Variants in ZNF143 observed in about 807,000 individuals in gnomAD.
ZNF143 encodes SPH-binding factor.
A neutral mutation model predicts 74.1 loss-of-function variants in ZNF143; 49 were observed. That is an observed-to-expected ratio of 0.66 (90% CI 0.53 to 0.84). The LOEUF is 0.84. Ranked by LOEUF, ZNF143 falls within the 40% of genes least tolerant of loss-of-function variation. ZNF143 has a pLI of 0.00. For synonymous variants in ZNF143, 304 were observed against 282.8 expected (o/e 1.07, Z -0.75); for missense variants, 637 against 793.4 (o/e 0.80, Z 2.37).
chr11:9,520,568 G>A (rs1311726139), intron 14 of ZNF143, among the ~76,000 whole-genome samples: 2 of 151,948 alleles, frequency 1.3e-5, no homozygotes, highest in African/African-American at 4.8e-5. Flanking sequence ...TGAGGCAGGT[G>A]GATCACAAGG....
intron 7 of ZNF143, among the ~76,000 whole-genome samples, chr11:9,486,362 AT>A (rs1455414237): frequency 2.5e-4 from 11 of 43,466 alleles, no homozygotes; most frequent in Non-Finnish European, 5.2e-4. Flanking sequence ...TTATATATAT[AT>A]TATATATAAT....
In ZNF143 at chr11:9,493,071, CTTTTTTT is replaced by C. The variant is rs148050807; in HGVS notation, c.646-1564_646-1558del. Among the ~76,000 whole-genome samples the C allele has an allele frequency of 3.3e-3, 450 of 137,342 alleles. 2 individuals carry two copies. The highest frequency in any genetic ancestry group is 0.011 in the African/African-American group (430 of 37,474). The allele number at this position is 137,342 out of a possible 152,430, so 90.1% of individuals were successfully genotyped here. ...TTTTGCCCATTGGGAATTATGCCTA[CTTTTTTT>C]TTTTTTTTTTGAGACGGATTCTCAC... is the stretch of plus-strand genomic sequence containing the variant. On this transcript the variant is annotated intron_variant, in intron 7 of 15. Transcript: ENST00000396602.
chr11:9,509,263 G>C (rs970914852), intron 12 of ZNF143, among the ~76,000 whole-genome samples: 2 of 152,210 alleles, frequency 1.3e-5, no homozygotes, highest in Non-Finnish European at 2.9e-5. Context: ...TGCCTGGGAA[G>C]GTGATATGAA....
At chr11:9,521,648 T>C (rs949486059) in intron 14 of ZNF143, among the ~76,000 whole-genome samples, 35 of 152,256 alleles carry the variant, frequency 2.3e-4, no homozygotes, top group Admixed American at 9.2e-4. Context: ...ATTCAAGTTA[T>C]CTATGTTTTT....
chr11:9,461,211 T>C, intron 1 of ZNF143, 135 bp downstream of exon 1: 1 of 448,102 alleles, frequency 2.2e-6, no homozygotes, highest in Non-Finnish European at 3.0e-6. Context: ...GCCTTGCCGA[T>C]TTTATGGGCC....
In ZNF143 at chr11:9,471,341, G is replaced by A; in HGVS notation, c.33G>A (p.Gln11=). 17 of 1,612,328 alleles carry A rather than the reference G, an allele frequency of 1.1e-5. No homozygotes were observed. The highest frequency in any genetic ancestry group is 1.4e-5 in the Non-Finnish European group (17 of 1,179,418). Reference sequence around the variant, plus strand: ...TAGCCCAAATAAATCGAGATTCTCAGGGAATGACAGAGTTTCCTGGAGGAG... The same window carrying A: ...TAGCCCAAATAAATCGAGATTCTCAAGGAATGACAGAGTTTCCTGGAGGAG... MLLAQINRDS[Q]GMTEFPGGGM... The change falls in exon 2 of 16, where the codon CAG becomes CAA. Residue 11 remains glutamine, a synonymous_variant. Coordinates refer to ENST00000396602, the MANE Select transcript of ZNF143 (RefSeq NM_003442.6).
At chr11:9,518,979 C>A (rs958743088) in intron 14 of ZNF143, among the ~76,000 whole-genome samples, 1 of 152,100 alleles carries the variant, frequency 6.6e-6, no homozygotes, top group East Asian at 1.9e-4. Context: ...GCCTGTTTTT[C>A]ATATTTGCCT....
chr11:9,482,696 C>T (rs1156331070), intron 7 of ZNF143, among the ~76,000 whole-genome samples: 11 of 142,982 alleles, frequency 7.7e-5, no homozygotes, highest in Admixed American at 6.3e-4. Context: ...TCTCCTTTGC[C>T]TTTTGTACCT....
intron 2 of ZNF143, 31 bp downstream of exon 2, chr11:9,471,451 G>T: frequency 6.8e-7 from 1 of 1,467,518 alleles, no homozygotes; most frequent in South Asian, 1.3e-5. Context: ...GGATGCGTTT[G>T]AAAATATCAT....
rs111642415 is a variant in ZNF143, at chr11:9,504,974, C to CT, written c.1148-3628dup. 7.9e-3 allele frequency among the ~76,000 whole-genome samples: 579 copies of CT among 73,472 alleles called. 36 individuals carry two copies. The highest frequency in any genetic ancestry group is 0.018 in the African/African-American group (466 of 25,396). The allele number at this position is 73,472 out of a possible 152,430, so 48.2% of individuals were successfully genotyped here. On this transcript the variant is annotated intron_variant, in intron 11 of 15. Transcript: ENST00000396602. ...AGGTGTGAGCCACCACGCCCAGCCTCTTTTTTTTTTTTTTTTTAAGATGGA... is the reference window on the plus strand; with the variant it reads ...AGGTGTGAGCCACCACGCCCAGCCTCTTTTTTTTTTTTTTTTTTAAGATGGA...
rs192306085 is a variant in ZNF143, at chr11:9,467,033, A to G, written c.-7-4269A>G. 4.4e-3 allele frequency among the ~76,000 whole-genome samples: 674 copies of G among 151,646 alleles called. 6 individuals carry two copies. Among genetic ancestry groups the G allele is most frequent in the Admixed American group, 7.8e-3 (118 of 15,174 alleles). On this transcript the variant is annotated intron_variant, in intron 1 of 15. Coordinates refer to ENST00000396602, the MANE Select transcript of ZNF143 (RefSeq NM_003442.6). ...CTCAGCCTCCGGAGTAGCTGGGACT[A>G]CAGGTGCATGCCACCGCCTGGTTAA... is the stretch of plus-strand genomic sequence containing the variant.
At position 9,527,919 on chromosome 11, in the gene ZNF143, T is replaced by C. The variant is rs1009852622; in HGVS notation, c.*306T>C. On this transcript the variant is annotated 3_prime_UTR_variant, in exon 16 of 16. Coordinates refer to ENST00000396602, the MANE Select transcript of ZNF143 (RefSeq NM_003442.6). ...TACATGCAAGACTAGTAAAGTCTTA[T>C]GGAGTCTTATGATGGATTTTTAACT... 2.0e-5 allele frequency: 4 copies of C among 199,192 alleles called. No homozygotes were observed. The highest frequency in any genetic ancestry group is 3.1e-4 in the South Asian group (2 of 6,444). 12.3% of individuals were successfully genotyped at this position (199,192 alleles called of 1,614,324 possible).
chr11:9,481,815 G>A (rs1252291584), intron 7 of ZNF143, among the ~76,000 whole-genome samples: 4 of 149,766 alleles, frequency 2.7e-5, no homozygotes, highest in Non-Finnish European at 5.9e-5. Flanking sequence ...TTGAACCTGG[G>A]AGGTGGGGGT....
chr11:9,476,859 A>G (rs377160941), intron 5 of ZNF143, among the ~76,000 whole-genome samples: 1 of 132,064 alleles, frequency 7.6e-6, no homozygotes. Flanking sequence ...TCCTGGGTTC[A>G]CACCATTCTC....
chr11:9,487,545 GAT>G lies in ZNF143; in HGVS notation c.646-7100_646-7099del, dbSNP rs1285709505. Among the ~76,000 whole-genome samples the G allele has an allele frequency of 8.0e-3, 1,193 of 149,722 alleles. 12 individuals carry two copies. Among genetic ancestry groups the G allele is most frequent in the African/African-American group, 0.028 (1,091 of 39,330 alleles). ...GCTAATTTTTTGTATTTTTAGTAGA[GAT>G]GGGGTTTCACCGTGTTAGCCAGGAT... On this transcript the variant is annotated intron_variant, in intron 7 of 15. Transcript: ENST00000396602.
chr11:9,517,599 T>C (rs927916814), intron 14 of ZNF143, among the ~76,000 whole-genome samples: 1 of 152,242 alleles, frequency 6.6e-6, no homozygotes, highest in African/African-American at 2.4e-5. Flanking sequence ...TATCAAACTT[T>C]TGAATTTTTG....
At chr11:9,524,201 C>A (rs1849046348) in intron 14 of ZNF143, among the ~76,000 whole-genome samples, 1 of 152,172 alleles carries the variant, frequency 6.6e-6, no homozygotes, top group Non-Finnish European at 1.5e-5. Flanking sequence ...CCCCAGGCTG[C>A]TCAAACTGGG....
intron 11 of ZNF143, among the ~76,000 whole-genome samples, chr11:9,506,274 G>A (rs545628478): frequency 1.3e-5 from 2 of 152,390 alleles, no homozygotes; most frequent in Admixed American, 6.5e-5. Context: ...GGAGGTTGCA[G>A]TGAGTCGAGA....
chr11:9,493,442 A>G (rs777939725), intron 7 of ZNF143, among the ~76,000 whole-genome samples: 1 of 152,194 alleles, frequency 6.6e-6, no homozygotes. Context: ...TGCAACATTT[A>G]ATGAACATAC....
Sources: allele counts gnomAD v4.1 joint callset (sites outside exome capture counted in the v4.1 genomes callset), GRCh38; gene constraint gnomAD v4.1.1; transcripts MANE v1.5; gene names NCBI Gene and HGNC (gene_info 2026-07-23, HGNC 2026-07-21).